Variants in TULP3 observed in about 807,000 individuals in gnomAD.
The protein encoded by TULP3 is TUB like protein 3, also known as tubby-related protein 3.
A neutral mutation model predicts 50.7 loss-of-function variants in TULP3; 38 were observed. The ratio of observed to expected loss-of-function variants is 0.75; its 90% CI spans 0.58 to 0.98. The LOEUF (loss-of-function observed/expected upper bound fraction) is 0.98, where lower values mean the gene tolerates loss of function less well. Ranked by LOEUF, TULP3 falls within the 50% of genes least tolerant of loss-of-function variation. The pLI is 0.00. For missense variants in TULP3, 550 were observed against 568.0 expected, an observed-to-expected ratio of 0.97 and a Z score of 0.32; for synonymous variants, 183 against 196.6, an observed-to-expected ratio of 0.93 and a Z score of 0.58.
intron 1 of TULP3, among the ~76,000 whole-genome samples, chr12:2,901,649 C>G (rs1035880001): frequency 2.6e-5 from 4 of 152,094 alleles, no homozygotes; most frequent in Non-Finnish European, 5.9e-5. Context: ...TCCCGAAGTG[C>G]TGGGATTACA....
intron 1 of TULP3, among the ~76,000 whole-genome samples, chr12:2,894,301 G>A (rs1467641419): frequency 2.2e-4 from 8 of 36,068 alleles, no homozygotes; most frequent in East Asian, 2.0e-3. Context: ...GGGGCGGGGC[G>A]GGGGGGGGGA....
chr12:2,909,686 AAGG>A (rs2098184364), intron 2 of TULP3, 106 bp downstream of exon 2: 4 of 1,193,596 alleles, frequency 3.4e-6, no homozygotes, highest in Non-Finnish European at 3.6e-6. Context: ...GAAGACTGGA[AAGG>A]AGAAGGCTCG....
At chr12:2,921,500 C>T (rs2098191732) in intron 3 of TULP3, among the ~76,000 whole-genome samples, 1 of 152,138 alleles carries the variant, frequency 6.6e-6, no homozygotes, top group South Asian at 2.1e-4. Flanking sequence ...TTGAGGAGCT[C>T]TTGATTGTTA....
chr12:2,902,344 G>C (rs2098179751), intron 1 of TULP3, among the ~76,000 whole-genome samples: 1 of 152,174 alleles, frequency 6.6e-6, no homozygotes, highest in South Asian at 2.1e-4. Flanking sequence ...ATCAGGAAAA[G>C]CAACGGGCTG....
intron 2 of TULP3, among the ~76,000 whole-genome samples, chr12:2,913,816 G>A (rs2098187054): frequency 6.6e-6 from 1 of 151,872 alleles, no homozygotes; most frequent in Non-Finnish European, 1.5e-5. Flanking sequence ...ACACCATATT[G>A]GTCAGGCTGA....
chr12:2,937,413 C>T (rs2098202018), intron 8 of TULP3, among the ~76,000 whole-genome samples: 1 of 151,400 alleles, frequency 6.6e-6, no homozygotes, highest in Admixed American at 6.6e-5. Context: ...GACAGGGTTT[C>T]ACCATGTTGG....
chr12:2,923,995 C>T (rs552293887), intron 4 of TULP3, among the ~76,000 whole-genome samples: 3 of 151,954 alleles, frequency 2.0e-5, no homozygotes, highest in Non-Finnish European at 2.9e-5. Flanking sequence ...ACAACAACAA[C>T]AGAAGTAAAG....
At position 2,940,128 on chromosome 12, in the gene TULP3, A is replaced by G. The variant is rs903631349; in HGVS notation, c.*684A>G. 7.7e-7 allele frequency: 1 copy of G among 1,293,854 alleles called. No homozygotes were observed. The highest frequency in any genetic ancestry group is 1.5e-5 in the African/African-American group (1 of 66,188). 80.1% of individuals were successfully genotyped at this position (1,293,854 alleles called of 1,614,324 possible). A position where few individuals can be genotyped will look rare whatever the true frequency, so the allele number is the denominator to read the frequency against. On this transcript the variant is annotated 3_prime_UTR_variant, in exon 11 of 11. Transcript: ENST00000448120. ...CTTCATTTCAATTAAGGCTGAAAGC[A>G]TAAACTCTAGAGGTGACTCAGTCAG...
chr12:2,909,105 T>G (rs1555112586), intron 1 of TULP3, among the ~76,000 whole-genome samples: 1 of 152,240 alleles, frequency 6.6e-6, no homozygotes, highest in Non-Finnish European at 1.5e-5. Flanking sequence ...GCCTTACACA[T>G]GACTCTTCAA....
intron 1 of TULP3, among the ~76,000 whole-genome samples, chr12:2,901,878 A>C (rs767707257): frequency 5.9e-5 from 9 of 152,180 alleles, no homozygotes; most frequent in Non-Finnish European, 1.0e-4. Context: ...TAAGTATGTG[A>C]ATTTAAGTAA....
In TULP3 at chr12:2,937,715, T is replaced by C. The variant is rs1457127149; in HGVS notation, c.1009T>C (p.Tyr337His). The part of the protein sequence containing the change: ...GMTLNHKQIP[Y>H]QPQNNHDSLL... ...GACACTGAATCATAAGCAGATCCCCTATCAGCCACAAAACGTGAGTAAGAA... is the reference window on the plus strand; with the variant it reads ...GACACTGAATCATAAGCAGATCCCCCATCAGCCACAAAACGTGAGTAAGAA... Residue 337 changes from tyrosine (Y) to histidine (H), a missense_variant, in exon 9 of 11, where the codon TAT becomes CAT. By Grantham distance (83) the Tyr-to-His change is moderately conservative. Coordinates refer to ENST00000448120, the MANE Select transcript of TULP3 (RefSeq NM_003324.5). 5 of 1,611,722 alleles carry C rather than the reference T, an allele frequency of 3.1e-6. No individual in the cohort carries two copies. Among genetic ancestry groups the C allele is most frequent in the African/African-American group, 2.7e-5 (2 of 74,420 alleles).
chr12:2,893,406 T>G (rs558752502), intron 1 of TULP3, among the ~76,000 whole-genome samples: 1 of 151,420 alleles, frequency 6.6e-6, no homozygotes, highest in East Asian at 2.0e-4. Flanking sequence ...TTGGCTTACT[T>G]GCCTCCTGGG....
chr12:2,920,395 G>A (rs1353862363), intron 2 of TULP3, among the ~76,000 whole-genome samples: 1 of 152,070 alleles, frequency 6.6e-6, no homozygotes, highest in Non-Finnish European at 1.5e-5. Flanking sequence ...TGTAGTCCCA[G>A]CTCTTCAGGA....
chr12:2,940,892 C>G lies in TULP3; in HGVS notation c.*1448C>G, dbSNP rs781683429. ...ACACCTCGTCACCACCACCACCCCC[C>G]ACCCCATCCTGAGGCACTGCCTGGC... On this transcript the variant is annotated 3_prime_UTR_variant, in exon 11 of 11. Transcript: ENST00000448120. 1.6e-5 allele frequency: 10 copies of G among 636,090 alleles called. No homozygotes were observed. In the Middle Eastern group the frequency reaches 8.4e-4, roughly 54 times the overall value. 39.4% of individuals were successfully genotyped at this position (636,090 alleles called of 1,614,324 possible).
chr12:2,909,683 G>A, intron 2 of TULP3, 103 bp downstream of exon 2: 1 of 1,234,156 alleles, frequency 8.1e-7, no homozygotes, highest in Non-Finnish European at 1.1e-6. Context: ...AAAGAAGACT[G>A]GAAAGGAGAA....
chr12:2,895,495 G>T (rs1309589532), intron 1 of TULP3, among the ~76,000 whole-genome samples: 1 of 152,112 alleles, frequency 6.6e-6, no homozygotes, highest in Admixed American at 6.6e-5. Context: ...GCAATATTTT[G>T]TTCAAGCCAG....
At position 2,934,492 on chromosome 12, in the gene TULP3, C is replaced by G. The variant is rs764187183; in HGVS notation, c.855C>G (p.Ile285Met). 7.5e-5 allele frequency: 121 copies of G among 1,605,270 alleles called. No individual in the cohort carries two copies. Among genetic ancestry groups the G allele is most frequent in the Non-Finnish European group, 1.0e-4 (120 of 1,176,328 alleles). Residue 285 changes from isoleucine (I) to methionine (M), a missense_variant, in exon 8 of 11, where the codon ATC becomes ATG. Coordinates refer to ENST00000448120, the MANE Select transcript of TULP3 (RefSeq NM_003324.5). ...GTKFTVYDRG[I>M]CPMKGRGLVG... ...AGTTTACAGTTTATGACCGTGGCAT[C>G]TGCCCCATGAAGGGCCGGGGTTTGG...
intron 1 of TULP3, among the ~76,000 whole-genome samples, chr12:2,898,079 C>CAA (rs59718569): frequency 0.014 from 1,323 of 93,162 alleles, 53 homozygotes; most frequent in African/African-American, 0.042. Flanking sequence ...AACTAGATCT[C>CAA]AAAAAAAAAA....
chr12:2,938,343 G>T lies in TULP3; in HGVS notation c.1195+58G>T, dbSNP rs374702265. The stretch of plus-strand genomic sequence containing the variant: ...GAGGACAGATGCTCTTACAGGATGG[G>T]AATGCACATTCCCTGTACATGATAG... On this transcript the variant is annotated intron_variant, in intron 10 of 10. Coordinates refer to ENST00000448120, the MANE Select transcript of TULP3 (RefSeq NM_003324.5). 5 of 1,553,798 alleles carry T rather than the reference G, an allele frequency of 3.2e-6. No individual in the cohort carries two copies. The South Asian group carries it at 3.5e-5, about 11-fold the overall frequency.
Sources: gnomAD v4.1 joint callset for allele counts (sites outside exome capture counted in the v4.1 genomes callset) on GRCh38, gnomAD v4.1.1 for gene constraint, MANE v1.5 for transcripts, NCBI Gene and HGNC (gene_info 2026-07-23, HGNC 2026-07-21) for gene names.